The following ITGA2 variants were observed in gnomAD, a reference collection of about 807,000 sequenced individuals.
ITGA2 encodes the protein integrin alpha-2.
Under a neutral mutation model 146.3 loss-of-function variants are expected in ITGA2, and 101 were observed. That is an observed-to-expected ratio of 0.69 (90% CI 0.59 to 0.81). ITGA2 has a LOEUF of 0.81. Ranked by LOEUF, ITGA2 falls within the 40% of genes least tolerant of loss-of-function variation. ITGA2 has a pLI of 0.00. For missense variants in ITGA2, 1,281 were observed against 1,402.7 expected (o/e 0.91, Z 1.39); for synonymous variants, 477 against 487.1 (o/e 0.98, Z 0.27).
rs1370295975 is a variant in ITGA2, at chr5:53,051,488, T to G, written c.708T>G (p.Ile236Met). The G allele has an allele frequency of 1.9e-6, 3 of 1,613,432 alleles. No individual in the cohort carries two copies. The highest frequency in any genetic ancestry group is 2.5e-6 in the Non-Finnish European group (3 of 1,179,640). The stretch of plus-strand genomic sequence containing the variant: ...CATATAAAACCAAAGAAGAAATGAT[T>G]GTAGCAACATCCCAGACATCCCAAT... Reference protein sequence around the residue: ...LNTYKTKEEMIVATSQTSQYG... With the variant: ...LNTYKTKEEMMVATSQTSQYG... Residue 236 changes from isoleucine (I) to methionine (M), a missense_variant, in exon 7 of 30, where the codon ATT becomes ATG. Transcript: ENST00000296585.
At chr5:53,074,577 A>G in intron 21 of ITGA2, 100 bp downstream of exon 21, 1 of 888,112 alleles carries the variant, frequency 1.1e-6, no homozygotes. Flanking sequence ...GATAGGCATC[A>G]CAAAATAACT....
intron 3 of ITGA2, among the ~76,000 whole-genome samples, chr5:53,043,608 G>A (rs190722077): frequency 3.2e-4 from 48 of 152,272 alleles, no homozygotes; most frequent in African/African-American, 1.1e-3. Context: ...TCCATTTCCA[G>A]AAGTTCAGCA....
intron 26 of ITGA2, among the ~76,000 whole-genome samples, chr5:53,082,888 G>T (rs1234251795): frequency 6.6e-6 from 1 of 152,052 alleles, no homozygotes; most frequent in Admixed American, 6.6e-5. Context: ...CTGTCAACTT[G>T]TTTAAAAACC....
At position 53,075,115 on chromosome 5, in the gene ITGA2, T is replaced by C. The variant is rs1195160606; in HGVS notation, c.2719T>C (p.Ser907Pro). 6.2e-7 allele frequency: 1 copy of C among 1,611,888 alleles called. No homozygotes were observed. ...TCTTCAAAACCTTCAGAATCAGGCGTCTCTCAGTTTCCAAGCCTTAAGGTA... is the reference window on the plus strand; with the variant it reads ...TCTTCAAAACCTTCAGAATCAGGCGCCTCTCAGTTTCCAAGCCTTAAGGTA... The part of the protein sequence containing the change: ...FNLQNLQNQA[S>P]LSFQALSESQ... Residue 907 changes from serine to proline, a missense_variant, in exon 22 of 30, where the codon TCT becomes CCT. By Grantham distance (74) the Ser-to-Pro change is moderately conservative. This residue lies in a region of ITGA2 where 475 missense variants were observed against 530.5 expected (regional missense o/e 0.90). Transcript: ENST00000296585.
intron 1 of ITGA2, among the ~76,000 whole-genome samples, chr5:53,013,843 G>T (rs986855642): frequency 6.6e-6 from 1 of 151,928 alleles, no homozygotes; most frequent in African/African-American, 2.4e-5. Context: ...GTACTCCTAG[G>T]TATTTTATTC....
In ITGA2 at chr5:53,091,007, C is replaced by G. The variant is rs1183825060; in HGVS notation, c.*408C>G. ...AATATTTGTCTTTAAACAGCAACTA[C>G]AGAAGTGGAAGTGCTTGATATGTAA... is the stretch of plus-strand genomic sequence containing the variant. On this transcript the variant is annotated 3_prime_UTR_variant, in exon 30 of 30. Coordinates refer to ENST00000296585, the MANE Select transcript of ITGA2 (RefSeq NM_002203.4). The G allele has an allele frequency of 4.6e-6, 2 of 430,742 alleles. No homozygotes were observed. Among genetic ancestry groups the G allele is most frequent in the African/African-American group, 2.0e-5 (1 of 49,568 alleles). The allele number at this position is 430,742 out of a possible 1,614,324, so 26.7% of individuals were successfully genotyped here.
chr5:53,041,017 A>C (rs181799883), intron 2 of ITGA2, among the ~76,000 whole-genome samples: 5 of 152,298 alleles, frequency 3.3e-5, no homozygotes, highest in African/African-American at 9.6e-5. Flanking sequence ...ACCGTACCTC[A>C]ACATGGGGCA....
Position 53,078,754 on chromosome 5 carries a change from A to G in ITGA2, c.2826-18A>G. 6.9e-7 allele frequency: 1 copy of G among 1,453,094 alleles called. No individual in the cohort carries two copies. The highest frequency in any genetic ancestry group is 9.7e-7 in the Non-Finnish European group (1 of 1,034,244). 90.0% of individuals were successfully genotyped at this position (1,453,094 alleles called of 1,614,324 possible). A position where few individuals can be genotyped will look rare whatever the true frequency, so the allele number is the denominator to read the frequency against. On this transcript the variant is annotated intron_variant, in intron 23 of 29. Transcript: ENST00000296585. The stretch of plus-strand genomic sequence containing the variant: ...AAAGCAAACTAAAATATTTGGCTTT[A>G]CAAACATCATCCAACAGATCTACCA...
chr5:53,084,136 T>C (rs1169791831), intron 27 of ITGA2, among the ~76,000 whole-genome samples: 1 of 152,186 alleles, frequency 6.6e-6, no homozygotes, highest in Non-Finnish European at 1.5e-5. Flanking sequence ...GTAGCTAGAA[T>C]TTCAGTCTGG....
At chr5:53,075,800 C>G (rs1745636463) in intron 23 of ITGA2, among the ~76,000 whole-genome samples, 1 of 151,978 alleles carries the variant, frequency 6.6e-6, no homozygotes, top group Non-Finnish European at 1.5e-5. Flanking sequence ...AATATTGGAA[C>G]TAGATCAAGT....
At chr5:53,035,172 T>C (rs1561108254) in intron 2 of ITGA2, among the ~76,000 whole-genome samples, 1 of 152,194 alleles carries the variant, frequency 6.6e-6, no homozygotes, top group Non-Finnish European at 1.5e-5. Flanking sequence ...TGAGCTTTGA[T>C]TTGCAAAATG....
intron 1 of ITGA2, among the ~76,000 whole-genome samples, chr5:53,023,026 G>C (rs1214675482): frequency 6.6e-6 from 1 of 152,144 alleles, no homozygotes; most frequent in Non-Finnish European, 1.5e-5. Context: ...GGAATACTTT[G>C]GCCTGGTTAC....
At chr5:53,071,185 A>G (rs1158239701) in intron 17 of ITGA2, among the ~76,000 whole-genome samples, 1 of 151,862 alleles carries the variant, frequency 6.6e-6, no homozygotes, top group Non-Finnish European at 1.5e-5. Context: ...TCATTTTTCA[A>G]TTTGAAGGTT....
At chr5:53,018,553 G>T (rs986746576) in intron 1 of ITGA2, among the ~76,000 whole-genome samples, 1 of 151,770 alleles carries the variant, frequency 6.6e-6, no homozygotes, top group Non-Finnish European at 1.5e-5. Flanking sequence ...TCCCTGCAAA[G>T]ACCTGTTCAG....
intron 1 of ITGA2, among the ~76,000 whole-genome samples, chr5:53,016,111 G>T (rs1456019361): frequency 1.3e-5 from 2 of 152,124 alleles, no homozygotes; most frequent in Admixed American, 1.3e-4. Context: ...GATTTGTGCG[G>T]ATTTGATCCT....
intron 1 of ITGA2, among the ~76,000 whole-genome samples, chr5:53,013,516 T>C (rs1181754958): frequency 6.6e-6 from 1 of 152,170 alleles, no homozygotes; most frequent in African/African-American, 2.4e-5. Context: ...TGTAGCCTTG[T>C]AGTATAGTTT....
intron 1 of ITGA2, among the ~76,000 whole-genome samples, chr5:53,018,616 C>T (rs768957416): frequency 7.2e-5 from 11 of 152,098 alleles, no homozygotes; most frequent in African/African-American, 1.9e-4. Context: ...GAGGTTTCTT[C>T]GGGCTGCCTC....
intron 1 of ITGA2, among the ~76,000 whole-genome samples, chr5:52,993,854 A>G (rs182217754): frequency 2.8e-4 from 43 of 150,990 alleles, no homozygotes; most frequent in Middle Eastern, 3.4e-3. Context: ...TTGGGATATT[A>G]GTAAAAGATT....
Position 53,057,503 on chromosome 5 carries a change from TCA to T in ITGA2, c.1097-521_1097-520del, listed in dbSNP as rs553677796. 3.2e-4 allele frequency among the ~76,000 whole-genome samples: 49 copies of T among 152,080 alleles called. 1 individual carries two copies. Among genetic ancestry groups the T allele is most frequent in the South Asian group, 1.0e-3 (5 of 4,824 alleles). ...ACTTCCCAATTGGTAAAATTCCTAC[TCA>T]GTCTTGAATTCTGATTCCTAATAGC... is the stretch of plus-strand genomic sequence containing the variant. On this transcript the variant is annotated intron_variant, in intron 9 of 29. Coordinates refer to ENST00000296585, the MANE Select transcript of ITGA2 (RefSeq NM_002203.4).
Sources: gnomAD v4.1 joint callset for allele counts (sites outside exome capture counted in the v4.1 genomes callset) on GRCh38, gnomAD v4.1.1 for gene constraint, gnomAD v4.1.1 regional missense constraint, MANE v1.5 for transcripts, NCBI Gene and HGNC (gene_info 2026-07-23, HGNC 2026-07-21) for gene names.